Variants in MINDY4 observed in about 807,000 individuals in gnomAD.
MINDY4 encodes the protein MINDY lysine 48 deubiquitinase 4, also known as probable ubiquitin carboxyl-terminal hydrolase MINDY-4.
Under a neutral mutation model 87.0 loss-of-function variants are expected in MINDY4, and 68 were observed. The ratio of observed to expected loss-of-function variants is 0.78; its 90% CI spans 0.64 to 0.96. The LOEUF is 0.96. MINDY4 is among the 40% of genes least tolerant of loss of function. MINDY4 has a pLI of 0.00. For synonymous variants in MINDY4, 379 were observed against 363.2 expected, an observed-to-expected ratio of 1.04 and a Z score of -0.50; for missense variants, 919 against 928.2, an observed-to-expected ratio of 0.99 and a Z score of 0.13.
chr7:30,853,977 C>CG (rs1554283320), intron 12 of MINDY4, among the ~76,000 whole-genome samples: 2 of 119,912 alleles, frequency 1.7e-5, no homozygotes, highest in African/African-American at 3.1e-5. Context: ...GGCTCTGGAG[C>CG]CCCCCCGCCT....
At chr7:30,771,925 G>T (rs1786651466) in intron 1 of MINDY4, among the ~76,000 whole-genome samples, 1 of 152,216 alleles carries the variant, frequency 6.6e-6, no homozygotes, top group African/African-American at 2.4e-5. Flanking sequence ...GCCTCCGTGC[G>T]CTACCCACGC....
At chr7:30,794,047 G>A (rs984943332) in intron 5 of MINDY4, among the ~76,000 whole-genome samples, 11 of 152,264 alleles carry the variant, frequency 7.2e-5, no homozygotes, top group African/African-American at 2.6e-4. Context: ...ACTGGCAAAT[G>A]GAATATGGGC....
intron 9 of MINDY4, among the ~76,000 whole-genome samples, chr7:30,842,923 T>G (rs1789086353): frequency 6.6e-6 from 1 of 152,212 alleles, no homozygotes; most frequent in African/African-American, 2.4e-5. Context: ...GCCACATCTT[T>G]GTGGAGGCCT....
chr7:30,850,831 G>T (rs1409383399), intron 10 of MINDY4, among the ~76,000 whole-genome samples: 1 of 152,176 alleles, frequency 6.6e-6, no homozygotes, highest in Non-Finnish European at 1.5e-5. Flanking sequence ...GGAGCTCTGG[G>T]GTGACCCCTC....
chr7:30,839,898 G>A (rs1652315813), intron 8 of MINDY4, among the ~76,000 whole-genome samples: 1 of 152,052 alleles, frequency 6.6e-6, no homozygotes, highest in Non-Finnish European at 1.5e-5. Context: ...ATACTCATGG[G>A]CAGAAAATAA....
chr7:30,811,081 A>G (rs1322720254), intron 5 of MINDY4, among the ~76,000 whole-genome samples: 2 of 152,164 alleles, frequency 1.3e-5, no homozygotes, highest in African/African-American at 2.4e-5. Context: ...AAGGGTGGAA[A>G]GAAAAGAAAC....
chr7:30,822,167 T>G (rs1788353454), intron 5 of MINDY4, among the ~76,000 whole-genome samples: 1 of 151,886 alleles, frequency 6.6e-6, no homozygotes, highest in African/African-American at 2.4e-5. Flanking sequence ...AATTTCTTTC[T>G]TTCTTTCTTT....
chr7:30,872,678 G>A (rs1013514464), intron 14 of MINDY4, among the ~76,000 whole-genome samples: 1 of 152,216 alleles, frequency 6.6e-6, no homozygotes, highest in Non-Finnish European at 1.5e-5. Flanking sequence ...GGGAGATGAT[G>A]GCCCTGGCCT....
At chr7:30,824,638 A>G (rs1433146305) in intron 5 of MINDY4, among the ~76,000 whole-genome samples, 2 of 152,042 alleles carry the variant, frequency 1.3e-5, no homozygotes, top group East Asian at 1.9e-4. Context: ...GGCTTGCGTG[A>G]TCATAGCTCA....
At chr7:30,865,033 T>C (rs762019144) in intron 13 of MINDY4, among the ~76,000 whole-genome samples, 2 of 152,122 alleles carry the variant, frequency 1.3e-5, no homozygotes, top group Admixed American at 6.5e-5. Flanking sequence ...GAGGGGTCCA[T>C]GGGATGCTCG....
chr7:30,773,559 G>T (rs1333223502), intron 1 of MINDY4, among the ~76,000 whole-genome samples: 2 of 152,044 alleles, frequency 1.3e-5, no homozygotes, highest in African/African-American at 4.8e-5. Flanking sequence ...GTCTTCCCTC[G>T]GGGGAGTCAT....
chr7:30,892,009 T>G lies in MINDY4; in HGVS notation c.*4T>G. 6.2e-7 allele frequency: 1 copy of G among 1,614,076 alleles called. No individual in the cohort carries two copies. ...CGGCTCAGACCCCATCCTGTGACCG[T>G]TGGATGTGGGTAAACCCTGTGGTCC... On this transcript the variant is annotated 3_prime_UTR_variant, in exon 18 of 18. Transcript: ENST00000265299.
chr7:30,802,071 G>A (rs117525382), intron 5 of MINDY4, among the ~76,000 whole-genome samples: 2,751 of 152,292 alleles, frequency 0.018, 47 homozygotes, highest in Non-Finnish European at 0.026. Flanking sequence ...TTTGGGAGAT[G>A]AGTGTGAGAG....
intron 1 of MINDY4, among the ~76,000 whole-genome samples, chr7:30,772,566 G>A (rs1246287446): frequency 2.0e-5 from 3 of 152,174 alleles, no homozygotes; most frequent in African/African-American, 7.2e-5. Flanking sequence ...CAATGTGCAC[G>A]TAGGTGTTCA....
At chr7:30,885,794 A>C (rs6979968) in intron 17 of MINDY4, among the ~76,000 whole-genome samples, 1,731 of 145,644 alleles carry the variant, frequency 0.012, 35 homozygotes, top group African/African-American at 0.043. Flanking sequence ...GGGCCAGGGG[A>C]ACCTTCTTCC....
chr7:30,859,521 G>A (rs1267181415), intron 13 of MINDY4, among the ~76,000 whole-genome samples, 197 bp downstream of exon 13: 1 of 152,236 alleles, frequency 6.6e-6, no homozygotes, highest in Non-Finnish European at 1.5e-5. Context: ...ATATACACGT[G>A]TCCAGGGCTA....
intron 5 of MINDY4, among the ~76,000 whole-genome samples, chr7:30,796,505 TTTAAA>T (rs1192009503): frequency 5.3e-5 from 8 of 152,342 alleles, no homozygotes; most frequent in African/African-American, 1.9e-4. Context: ...TAAAAAAGAT[TTTAAA>T]TTAAGCATTT....
chr7:30,813,040 A>G (rs1447969377), intron 5 of MINDY4, among the ~76,000 whole-genome samples: 2 of 152,194 alleles, frequency 1.3e-5, no homozygotes, highest in Non-Finnish European at 2.9e-5. Context: ...GTCTGTAGGT[A>G]CCTGCACATC....
intron 3 of MINDY4, among the ~76,000 whole-genome samples, chr7:30,782,734 G>T (rs1017373926): frequency 1.3e-5 from 2 of 152,064 alleles, no homozygotes; most frequent in African/African-American, 4.8e-5. Flanking sequence ...TTATTTTAAG[G>T]AGCTGGCTGA....
Sources: allele counts gnomAD v4.1 joint callset (sites outside exome capture counted in the v4.1 genomes callset), GRCh38; gene constraint gnomAD v4.1.1; transcripts MANE v1.5; gene names NCBI Gene and HGNC (gene_info 2026-07-23, HGNC 2026-07-21).